The following DNM2 variants were observed in gnomAD, a reference collection of about 807,000 sequenced individuals.
DNM2 encodes dynamin-2.
Under a neutral mutation model 99.0 loss-of-function variants are expected in DNM2, and 15 were observed. The observed-to-expected ratio is 0.15, with a 90% confidence interval of 0.10 to 0.23. DNM2 has a LOEUF of 0.23. DNM2 is among the 10% of genes least tolerant of loss of function. The pLI, the probability that DNM2 is intolerant of heterozygous loss-of-function variation, is 1.00. For synonymous variants in DNM2, 525 were observed against 481.2 expected (o/e 1.09, Z -1.19); for missense variants, 742 against 1,189.4 (o/e 0.62, Z 5.53).
intron 5 of DNM2, among the ~76,000 whole-genome samples, chr19:10,777,649 C>CCCA (rs1334270264): frequency 6.6e-6 from 1 of 152,136 alleles, no homozygotes; most frequent in Non-Finnish European, 1.5e-5. Flanking sequence ...AGCTATAGTA[C>CCCA]AGTGGCACAA....
chr19:10,777,311 A>T, intron 5 of DNM2, 95 bp downstream of exon 5: 1 of 1,157,826 alleles, frequency 8.6e-7, no homozygotes, highest in South Asian at 1.3e-5. Context: ...CCTGGAAGTC[A>T]TTGCTTCTCC....
intron 18 of DNM2, 127 bp downstream of exon 18, chr19:10,825,348 A>G (rs1315587201): frequency 7.6e-7 from 1 of 1,314,470 alleles, no homozygotes; most frequent in Non-Finnish European, 1.1e-6. Context: ...CAGCCTGGCC[A>G]AAACGGTGAA....
intron 1 of DNM2, among the ~76,000 whole-genome samples, chr19:10,750,413 A>T (rs1220813671): frequency 6.6e-6 from 1 of 151,926 alleles, no homozygotes; most frequent in African/African-American, 2.4e-5. Context: ...CGGGAGTTCA[A>T]GGCTGCAGTG....
At position 10,811,663 on chromosome 19, in the gene DNM2, T is replaced by C. The variant is rs927930638; in HGVS notation, c.1558-601T>C. 4 of 509,714 alleles carry C rather than the reference T, an allele frequency of 7.8e-6. No homozygotes were observed. Among genetic ancestry groups the C allele is most frequent in the African/African-American group, 7.7e-5 (4 of 51,732 alleles). The allele number at this position is 509,714 out of a possible 1,614,324, so 31.6% of individuals were successfully genotyped here. A position where few individuals can be genotyped will look rare whatever the true frequency, so the allele number is the denominator to read the frequency against. ...AGCCCCCAGGCTGCCTGCCGTTAGT[T>C]GTCAGGTGAGTCCCTGCGCAGGCCT... On this transcript the variant is annotated intron_variant, in intron 14 of 20. Coordinates refer to ENST00000389253, the MANE Select transcript of DNM2 (RefSeq NM_001005361.3). This position sits in a 1 kb window ranked among gnomAD's most constrained non-coding sequence, Gnocchi z 5.4.
At chr19:10,766,295 GGCCTTC>G (rs1389809736) in intron 2 of DNM2, among the ~76,000 whole-genome samples, 1 of 152,142 alleles carries the variant, frequency 6.6e-6, no homozygotes, top group African/African-American at 2.4e-5. Flanking sequence ...TCTGACCAAG[GGCCTTC>G]GGTCACTCTG....
intron 5 of DNM2, among the ~76,000 whole-genome samples, chr19:10,778,061 C>T (rs906136797): frequency 4.3e-5 from 4 of 92,926 alleles, no homozygotes; most frequent in East Asian, 3.2e-4. Flanking sequence ...ATTTATGAGA[C>T]GGAGTCTCTG....
At position 10,802,314 on chromosome 19, in the gene DNM2, G is replaced by A. The variant is rs750299400; in HGVS notation, c.1449G>A (p.Gln483=). The A allele has an allele frequency of 8.1e-6, 13 of 1,614,020 alleles. No individual in the cohort carries two copies. The African/African-American group carries it at 1.3e-4, about 17-fold the overall frequency. ...TTCTTCTGCTGATCGACATTGAGCA[G>A]TCCTACATCAACACGAACCATGAGG... is the stretch of plus-strand genomic sequence containing the variant. ...DQILLLIDIE[Q]SYINTNHEDF... The change falls in exon 12 of 21, where the codon CAG becomes CAA. Residue 483 remains glutamine, a synonymous_variant. Transcript: ENST00000389253.
intron 11 of DNM2, among the ~76,000 whole-genome samples, chr19:10,800,925 G>A (rs966877243): frequency 6.6e-6 from 1 of 152,372 alleles, no homozygotes; most frequent in South Asian, 2.1e-4. Context: ...GCGCGTGCAC[G>A]TGCACGTGTG....
intron 1 of DNM2, among the ~76,000 whole-genome samples, chr19:10,749,875 A>G (rs1474672291): frequency 6.6e-6 from 1 of 152,200 alleles, no homozygotes; most frequent in African/African-American, 2.4e-5. Context: ...ACACCTGCCC[A>G]TGGCCAGGTA....
At chr19:10,785,367 T>A (rs2145972751) in intron 6 of DNM2, among the ~76,000 whole-genome samples, 1 of 152,074 alleles carries the variant, frequency 6.6e-6, no homozygotes, top group Admixed American at 6.6e-5. Flanking sequence ...GACCTCATGA[T>A]CTGCCTGCCT....
At chr19:10,786,481 C>T in intron 6 of DNM2, 83 bp from the exon 7 acceptor site, 1 of 1,604,606 alleles carries the variant, frequency 6.2e-7, no homozygotes, top group Non-Finnish European at 8.5e-7. Context: ...CTGGTGTTGG[C>T]CCTTGGTTGG....
At chr19:10,798,381 ATATC>A in intron 10 of DNM2, 101 bp from the exon 11 acceptor site, 1 of 785,288 alleles carries the variant, frequency 1.3e-6, no homozygotes, top group South Asian at 1.5e-5. Flanking sequence ...GGGCCCCCTC[ATATC>A]TCATTCCCCA....
intron 1 of DNM2, among the ~76,000 whole-genome samples, chr19:10,724,582 C>T (rs890064536): frequency 6.6e-6 from 1 of 152,128 alleles, no homozygotes; most frequent in Non-Finnish European, 1.5e-5. Context: ...GTGCAAAGGT[C>T]CTGATGTGGG....
intron 1 of DNM2, among the ~76,000 whole-genome samples, chr19:10,736,064 A>G (rs990815520): frequency 6.6e-6 from 1 of 152,034 alleles, no homozygotes; most frequent in Non-Finnish European, 1.5e-5. Context: ...GGAGTTTGAA[A>G]CTGGCCTGGC....
chr19:10,776,124 G>A (rs1012180771), intron 4 of DNM2, among the ~76,000 whole-genome samples: 5 of 152,150 alleles, frequency 3.3e-5, no homozygotes, highest in African/African-American at 1.2e-4. Flanking sequence ...CTTGGACATG[G>A]CAGTGCCCAT....
intron 1 of DNM2, 161 bp from the exon 2 acceptor site, chr19:10,759,577 A>G (rs562894943): frequency 1.2e-6 from 1 of 811,222 alleles, no homozygotes; most frequent in South Asian, 1.4e-5. Flanking sequence ...AGGCCTCAGG[A>G]CCCTCCAAGA....
chr19:10,760,126 C>A (rs934228371), intron 2 of DNM2, among the ~76,000 whole-genome samples: 1 of 152,018 alleles, frequency 6.6e-6, no homozygotes, highest in Non-Finnish European at 1.5e-5. Flanking sequence ...CTCCACCTCC[C>A]AGGTTCCAGC....
chr19:10,744,629 A>G (rs1313605816), intron 1 of DNM2, among the ~76,000 whole-genome samples: 1 of 152,156 alleles, frequency 6.6e-6, no homozygotes, highest in Non-Finnish European at 1.5e-5. Context: ...ACAGAGCTGG[A>G]AATCCATACA....
At position 10,772,979 on chromosome 19, in the gene DNM2, G is replaced by GTTTTTTTTT. The variant is rs370019989; in HGVS notation, c.385+361_385+369dup. On this transcript the variant is annotated intron_variant, in intron 3 of 20. Coordinates refer to ENST00000389253, the MANE Select transcript of DNM2 (RefSeq NM_001005361.3). This position sits in a 1 kb window ranked among gnomAD's most constrained non-coding sequence, Gnocchi z 4.9. ...ACCAGTCTTCTGTAAAATATCCTGGGTTTTTTTTTTTTTTTTTTGAGACAG... is the reference window on the plus strand; with the variant it reads ...ACCAGTCTTCTGTAAAATATCCTGGGTTTTTTTTTTTTTTTTTTTTTTTTTTTGAGACAG... Among the ~76,000 whole-genome samples the GTTTTTTTTT allele has an allele frequency of 8.1e-6, 1 of 123,920 alleles. No individual in the cohort carries two copies. Among genetic ancestry groups the GTTTTTTTTT allele is most frequent in the African/African-American group, 3.1e-5 (1 of 32,442 alleles). 81.3% of individuals were successfully genotyped at this position (123,920 alleles called of 152,430 possible). A position where few individuals can be genotyped will look rare whatever the true frequency, so the allele number is the denominator to read the frequency against.
Sources: allele counts gnomAD v4.1 joint callset (sites outside exome capture counted in the v4.1 genomes callset), GRCh38; gene constraint gnomAD v4.1.1; non-coding constraint Gnocchi (gnomAD v3.1); transcripts MANE v1.5; gene names NCBI Gene and HGNC (gene_info 2026-07-23, HGNC 2026-07-21).